The following SEPTIN7 variants were observed in gnomAD, a reference collection of about 807,000 sequenced individuals.
SEPTIN7 encodes the protein septin-7.
In SEPTIN7, 10 loss-of-function variants were observed where a neutral mutation model predicts 63.3. That is an observed-to-expected ratio of 0.16 (90% CI 0.10 to 0.27). SEPTIN7 has a LOEUF of 0.27. SEPTIN7 is among the 10% of genes least tolerant of loss of function. The pLI is 1.00. For synonymous variants in SEPTIN7, 131 were observed against 165.3 expected, an observed-to-expected ratio of 0.79 and a Z score of 1.59; for missense variants, 310 against 521.0, an observed-to-expected ratio of 0.59 and a Z score of 3.94.
Position 35,905,527 on chromosome 7 carries a change from T to C in SEPTIN7, c.*1234T>C, listed in dbSNP as rs1208202025. On this transcript the variant is annotated 3_prime_UTR_variant, in exon 14 of 14. Transcript: ENST00000350320. ...ATGCTTATTTTTCTGAGAACATTTT[T>C]TTTTTCCCCCAGACAGGGTCTTGCT... is the stretch of plus-strand genomic sequence containing the variant. 1 of 152,236 alleles carries C rather than the reference T, an allele frequency of 6.6e-6. No homozygotes were observed. The highest frequency in any genetic ancestry group is 1.5e-5 in the Non-Finnish European group (1 of 68,040). 9.4% of individuals were successfully genotyped at this position (152,236 alleles called of 1,614,324 possible).
At chr7:35,830,190 A>G (rs1304614184) in intron 1 of SEPTIN7, among the ~76,000 whole-genome samples, 1 of 152,130 alleles carries the variant, frequency 6.6e-6, no homozygotes, top group East Asian at 1.9e-4. Context: ...CTCAAAAAAA[A>G]AAAAACTATT....
chr7:35,820,283 T>A (rs1789334938), intron 1 of SEPTIN7, among the ~76,000 whole-genome samples: 1 of 152,170 alleles, frequency 6.6e-6, no homozygotes, highest in Non-Finnish European at 1.5e-5. Flanking sequence ...ATGTTGATAC[T>A]AATGTTTTTC....
chr7:35,878,052 C>G (rs1399071339), intron 6 of SEPTIN7, among the ~76,000 whole-genome samples: 1 of 152,118 alleles, frequency 6.6e-6, no homozygotes, highest in Non-Finnish European at 1.5e-5. Flanking sequence ...GGTTTCTATT[C>G]TATGCGTATT....
intron 3 of SEPTIN7, among the ~76,000 whole-genome samples, chr7:35,845,997 G>A (rs545801706): frequency 1.6e-4 from 25 of 151,718 alleles, no homozygotes; most frequent in African/African-American, 6.0e-4. Context: ...TCAGATATAT[G>A]GCTTGAAATT....
At chr7:35,903,330 C>T in intron 13 of SEPTIN7, 115 bp downstream of exon 13, 1 of 1,390,380 alleles carries the variant, frequency 7.2e-7, no homozygotes, top group East Asian at 2.6e-5. Context: ...CATTATCATG[C>T]ATTCCAAACA....
chr7:35,823,945 C>G (rs73692287), intron 1 of SEPTIN7, among the ~76,000 whole-genome samples: 76 of 151,144 alleles, frequency 5.0e-4, no homozygotes, highest in African/African-American at 1.7e-3. Flanking sequence ...TATCTGTGTC[C>G]TTACTTAACT....
intron 3 of SEPTIN7, among the ~76,000 whole-genome samples, chr7:35,839,563 G>GT (rs1344081248): frequency 6.7e-6 from 1 of 149,494 alleles, no homozygotes; most frequent in Non-Finnish European, 1.5e-5. Flanking sequence ...GTTATGTTAT[G>GT]TTATTTTTGA....
At chr7:35,902,470 A>G (rs1318038737) in intron 12 of SEPTIN7, 1 of 152,200 alleles carries the variant, frequency 6.6e-6, no homozygotes, top group Non-Finnish European at 1.5e-5. Context: ...AGTGAGGTCC[A>G]GGATTCTATA....
At chr7:35,915,305 G>T in the SEPTIN7 span, among the ~76,000 whole-genome samples, 1 of 152,010 alleles carries the variant, frequency 6.6e-6, no homozygotes, top group Admixed American at 6.5e-5. Flanking sequence ...CCATGCACCT[G>T]CTCATACACA....
chr7:35,807,597 T>C (rs1321933967), intron 1 of SEPTIN7, among the ~76,000 whole-genome samples: 1 of 151,892 alleles, frequency 6.6e-6, no homozygotes, highest in Non-Finnish European at 1.5e-5. Context: ...TCTGCTGACC[T>C]CATGATCCGC....
chr7:35,912,523 T>C, the SEPTIN7 span, among the ~76,000 whole-genome samples: 1 of 152,368 alleles, frequency 6.6e-6, no homozygotes, highest in African/African-American at 2.4e-5. Context: ...CTGAAGGCTG[T>C]GAGACCCCTG....
intron 3 of SEPTIN7, among the ~76,000 whole-genome samples, chr7:35,857,796 T>C (rs991768368): frequency 6.6e-6 from 1 of 152,062 alleles, no homozygotes; most frequent in African/African-American, 2.4e-5. Context: ...AGAAATTTGA[T>C]AGTAGATAGT....
At chr7:35,887,370 G>C (rs1787325275) in intron 10 of SEPTIN7, among the ~76,000 whole-genome samples, 1 of 152,184 alleles carries the variant, frequency 6.6e-6, no homozygotes, top group Admixed American at 6.5e-5. Flanking sequence ...ACTTTGTTGA[G>C]ATGGAGTCTC....
At chr7:35,831,688 A>G (rs1238546377) in intron 2 of SEPTIN7, 192 bp downstream of exon 2, 1 of 235,160 alleles carries the variant, frequency 4.3e-6, no homozygotes, top group African/African-American at 2.4e-5. Context: ...TTATGTTTAT[A>G]GTTAGCTTTT....
intron 1 of SEPTIN7, among the ~76,000 whole-genome samples, chr7:35,816,025 A>T (rs1037337113): frequency 6.6e-6 from 1 of 152,212 alleles, no homozygotes; most frequent in East Asian, 1.9e-4. Flanking sequence ...GAAAGGAGAT[A>T]TAACAATTTA....
chr7:35,853,266 T>C (rs1785049479), intron 3 of SEPTIN7, among the ~76,000 whole-genome samples: 1 of 152,098 alleles, frequency 6.6e-6, no homozygotes, highest in Non-Finnish European at 1.5e-5. Context: ...ACCTCATCTC[T>C]TAAAAAAATA....
At chr7:35,848,425 G>A (rs917400087) in intron 3 of SEPTIN7, among the ~76,000 whole-genome samples, 3 of 151,850 alleles carry the variant, frequency 2.0e-5, no homozygotes, top group Admixed American at 6.6e-5. Context: ...CCACCACCAT[G>A]CCCAGCTAAT....
chr7:35,901,340 A>C (rs1045022845), intron 12 of SEPTIN7: 1 of 152,312 alleles, frequency 6.6e-6, no homozygotes, highest in Admixed American at 6.5e-5. Flanking sequence ...AGAATGGAAA[A>C]AACTCTGAAA....
intron 10 of SEPTIN7, among the ~76,000 whole-genome samples, chr7:35,888,453 A>T (rs1562580437): frequency 6.6e-6 from 1 of 152,166 alleles, no homozygotes; most frequent in Non-Finnish European, 1.5e-5. Flanking sequence ...TCATGCAAAC[A>T]TTTCATGTAA....
Sources: allele counts gnomAD v4.1 joint callset (sites outside exome capture counted in the v4.1 genomes callset), GRCh38; gene constraint gnomAD v4.1.1; transcripts MANE v1.5; gene names NCBI Gene and HGNC (gene_info 2026-07-23, HGNC 2026-07-21).